PIGU: variants seen among roughly 807,000 people sequenced by gnomAD.
PIGU encodes phosphatidylinositol glycan anchor biosynthesis class U.
PIGU carries 24 observed loss-of-function variants against 49.9 expected under a neutral mutation model. The ratio of observed to expected loss-of-function variants is 0.48; its 90% CI spans 0.35 to 0.68. The LOEUF is 0.68. PIGU is among the 30% of genes least tolerant of loss of function. The pLI is 0.01. For missense variants in PIGU, 490 were observed against 532.6 expected (o/e 0.92, Z 0.79); for synonymous variants, 220 against 205.7 (o/e 1.07, Z -0.59).
chr20:34,659,468 G>A (rs1986859948), intron 1 of PIGU, among the ~76,000 whole-genome samples: 1 of 151,910 alleles, frequency 6.6e-6, no homozygotes, highest in African/African-American at 2.4e-5. Context: ...CCCCGTCCGG[G>A]AGGTGAGGGG....
chr20:34,647,676 A>G (rs554161551), intron 2 of PIGU, among the ~76,000 whole-genome samples: 22 of 152,002 alleles, frequency 1.4e-4, no homozygotes, highest in Middle Eastern at 3.4e-3. Flanking sequence ...TTCTTTTTAT[A>G]TTTTTATAAT....
At chr20:34,634,831 C>T (rs945062271) in intron 5 of PIGU, 116 bp from the exon 6 acceptor site, 16 of 1,443,166 alleles carry the variant, frequency 1.1e-5, no homozygotes, top group African/African-American at 1.4e-5. Context: ...GGCAGCTTCT[C>T]AGAAATGAGT....
At position 34,648,022 on chromosome 20, in the gene PIGU, G is replaced by A. The variant is rs1299193549; in HGVS notation, c.196-2688C>T. ...CTCAGCACTTTGTGGGGCTGAGGTG[G>A]GAGGATCACTTAAGCCTAGGCATTT... is the stretch of plus-strand genomic sequence containing the variant. On this transcript the variant is annotated intron_variant, in intron 2 of 11. Coordinates refer to ENST00000217446, the MANE Select transcript of PIGU (RefSeq NM_080476.5). 3.3e-5 allele frequency among the ~76,000 whole-genome samples: 5 copies of A among 152,060 alleles called. No individual in the cohort carries two copies. The East Asian group carries it at 9.6e-4, about 29-fold the overall frequency.
At chr20:34,672,856 C>CAAA (rs35130218) in intron 1 of PIGU, among the ~76,000 whole-genome samples, 1 of 113,594 alleles carries the variant, frequency 8.8e-6, no homozygotes, top group Non-Finnish European at 1.7e-5. Flanking sequence ...CCCTGTCTCT[C>CAAA]AAAAAAAAAA....
chr20:34,625,802 T>G (rs929659244), intron 6 of PIGU, among the ~76,000 whole-genome samples: 1 of 150,612 alleles, frequency 6.6e-6, no homozygotes, highest in African/African-American at 2.4e-5. Context: ...CTCAGCTACA[T>G]GGGAGGATGG....
At position 34,561,075 on chromosome 20, in the gene PIGU, G is replaced by A. The variant is rs536789509; in HGVS notation, c.1195-96C>T. On this transcript the variant is annotated intron_variant, in intron 11 of 11. Coordinates refer to ENST00000217446, the MANE Select transcript of PIGU (RefSeq NM_080476.5). The stretch of plus-strand genomic sequence containing the variant: ...GCAGGTGTTGTTGGAAGACAGGAAC[G>A]CCCCTGCCTGGCTCTGGATCACAAT... 127 of 811,620 alleles carry A rather than the reference G, an allele frequency of 1.6e-4. 1 individual carries two copies. The highest frequency in any genetic ancestry group is 1.4e-3 in the African/African-American group (80 of 57,480). The allele number at this position is 811,620 out of a possible 1,614,324, so 50.3% of individuals were successfully genotyped here.
intron 1 of PIGU, among the ~76,000 whole-genome samples, chr20:34,673,792 C>T (rs1037672309): frequency 1.3e-5 from 2 of 152,152 alleles, no homozygotes; most frequent in African/African-American, 4.8e-5. Flanking sequence ...TGGTGGCTCA[C>T]GCCTGTAATC....
At chr20:34,632,162 G>GA (rs1307115082) in intron 6 of PIGU, among the ~76,000 whole-genome samples, 6 of 148,472 alleles carry the variant, frequency 4.0e-5, no homozygotes, top group South Asian at 2.1e-4. Flanking sequence ...AATATTTCAG[G>GA]AAAAAAAAAC....
At chr20:34,568,764 C>A (rs1039481219) in intron 11 of PIGU, among the ~76,000 whole-genome samples, 3 of 152,166 alleles carry the variant, frequency 2.0e-5, no homozygotes. Context: ...GGGCTTCAGG[C>A]CTCACTCAAA....
intron 7 of PIGU, among the ~76,000 whole-genome samples, chr20:34,611,698 G>A (rs1314821045): frequency 6.8e-6 from 1 of 147,032 alleles, no homozygotes; most frequent in African/African-American, 2.5e-5. Flanking sequence ...ATCAAAAAGT[G>A]GGCAAAGGAT....
At chr20:34,656,891 A>C (rs1401147746) in intron 2 of PIGU, among the ~76,000 whole-genome samples, 4 of 152,218 alleles carry the variant, frequency 2.6e-5, no homozygotes, top group Non-Finnish European at 5.9e-5. Flanking sequence ...GCTAATTAGC[A>C]TACAACCTAT....
intron 10 of PIGU, among the ~76,000 whole-genome samples, chr20:34,581,003 T>A (rs1983438545): frequency 1.3e-5 from 2 of 152,178 alleles, no homozygotes; most frequent in African/African-American, 4.8e-5. Context: ...TGCTGTCTAG[T>A]ATGGTAGCCT....
rs1020519085 is a variant in PIGU at position 34,609,366 on chromosome 20, G to GT, written c.627+6675dup. On this transcript the variant is annotated intron_variant, in intron 7 of 11. Coordinates refer to ENST00000217446, the MANE Select transcript of PIGU (RefSeq NM_080476.5). The stretch of plus-strand genomic sequence containing the variant: ...ACCTTCACTTTTTTTCACCTTTTTT[G>GT]TTTTTTTTTTGTTTTTGAGATAGAG... Among the ~76,000 whole-genome samples, 315 of 147,392 alleles carry GT rather than the reference G, an allele frequency of 2.1e-3. 1 individual carries two copies. Among genetic ancestry groups the GT allele is most frequent in the African/African-American group, 6.1e-3 (246 of 40,264 alleles).
At chr20:34,612,619 CTTT>C (rs1220427781) in intron 7 of PIGU, among the ~76,000 whole-genome samples, 3 of 139,848 alleles carry the variant, frequency 2.1e-5, no homozygotes, top group East Asian at 4.1e-4. Context: ...CTTTCCTTTT[CTTT>C]TTTTTTTTTT....
chr20:34,614,351 G>A lies in PIGU; in HGVS notation c.627+1691C>T, dbSNP rs539670393. ...AATAAAAACAAATTTCTGGCTGGGT[G>A]AAGTGGCTCATTCCTATAAACCTAG... On this transcript the variant is annotated intron_variant, in intron 7 of 11. Coordinates refer to ENST00000217446, the MANE Select transcript of PIGU (RefSeq NM_080476.5). 4.6e-5 allele frequency among the ~76,000 whole-genome samples: 7 copies of A among 152,076 alleles called. No homozygotes were observed. In the South Asian group the frequency reaches 1.0e-3, roughly 23 times the overall value.
chr20:34,672,786 A>T (rs934771645), intron 1 of PIGU, among the ~76,000 whole-genome samples: 1 of 146,574 alleles, frequency 6.8e-6, no homozygotes, highest in Non-Finnish European at 1.5e-5. Flanking sequence ...GCCCAGAAGG[A>T]TGAGGCTGCA....
chr20:34,638,845 T>C (rs1986055299), intron 4 of PIGU, among the ~76,000 whole-genome samples: 2 of 152,154 alleles, frequency 1.3e-5, no homozygotes, highest in South Asian at 2.1e-4. Flanking sequence ...TAGGCAATCT[T>C]ATAAGCAAAC....
intron 1 of PIGU, among the ~76,000 whole-genome samples, chr20:34,661,317 T>C (rs1450775730): frequency 6.6e-6 from 1 of 152,136 alleles, no homozygotes; most frequent in Non-Finnish European, 1.5e-5. Context: ...ACCCAGGTAA[T>C]AAGCACAGTA....
intron 10 of PIGU, among the ~76,000 whole-genome samples, chr20:34,576,937 G>T (rs1983259543): frequency 6.6e-6 from 1 of 152,120 alleles, no homozygotes; most frequent in African/African-American, 2.4e-5. Context: ...CCCTCCCAAG[G>T]TCTTAAAGTC....
Sources: gnomAD v4.1 joint callset for allele counts (sites outside exome capture counted in the v4.1 genomes callset) on GRCh38, gnomAD v4.1.1 for gene constraint, MANE v1.5 for transcripts, NCBI Gene and HGNC (gene_info 2026-07-23, HGNC 2026-07-21) for gene names.